ABLIM1: variants seen among roughly 807,000 people sequenced by gnomAD.
ABLIM1 encodes the protein actin binding LIM protein 1.
ABLIM1 carries 40 observed loss-of-function variants against 107.0 expected under a neutral mutation model. That is an observed-to-expected ratio of 0.37 (90% CI 0.29 to 0.49). The LOEUF is 0.49. Ranked by LOEUF, ABLIM1 falls within the 20% of genes least tolerant of loss-of-function variation. The probability of loss-of-function intolerance (pLI) is 0.97; values close to 1 mark genes in which losing one functional copy is unlikely to be tolerated. For synonymous variants in ABLIM1, 357 were observed against 357.3 expected, an observed-to-expected ratio of 1.00 and a Z score of 0.01; for missense variants, 857 against 1,008.5, an observed-to-expected ratio of 0.85 and a Z score of 2.04.
At chr10:114,719,139 A>G (rs1305614252) in intron 1 of ABLIM1, among the ~76,000 whole-genome samples, 1 of 152,238 alleles carries the variant, frequency 6.6e-6, no homozygotes, top group African/African-American at 2.4e-5. Flanking sequence ...AACAAAACCA[A>G]ACAAAAAAAA....
chr10:114,602,812 G>A (rs2076122514), intron 1 of ABLIM1, among the ~76,000 whole-genome samples: 1 of 152,162 alleles, frequency 6.6e-6, no homozygotes. Context: ...CCAGAGTGTG[G>A]CCTTCAGAGA....
At chr10:114,698,823 T>C (rs972080394) in intron 1 of ABLIM1, among the ~76,000 whole-genome samples, 8 of 151,984 alleles carry the variant, frequency 5.3e-5, no homozygotes, top group African/African-American at 1.9e-4. Flanking sequence ...GCACCCTTAC[T>C]GAAAAAAATT....
chr10:114,689,875 A>C (rs2081036608), upstream of ABLIM1, among the ~76,000 whole-genome samples: 1 of 152,100 alleles, frequency 6.6e-6, no homozygotes, highest in Non-Finnish European at 1.5e-5. Context: ...TATCCTAATC[A>C]CTGCTTGATG....
At chr10:114,600,048 A>G (rs2075827971) in intron 2 of ABLIM1, among the ~76,000 whole-genome samples, 1 of 152,204 alleles carries the variant, frequency 6.6e-6, no homozygotes, top group Admixed American at 6.5e-5. Flanking sequence ...TATCTGGTAT[A>G]TGGAACCTGC....
At chr10:114,705,244 C>G (rs1046723850) in intron 1 of ABLIM1, among the ~76,000 whole-genome samples, 1 of 152,154 alleles carries the variant, frequency 6.6e-6, no homozygotes, top group Non-Finnish European at 1.5e-5. Flanking sequence ...AGAATTCTGA[C>G]TTGACTAGAA....
At chr10:114,734,584 A>AAATCCTTTCCAAATCC (rs2082142413) in intron 1 of ABLIM1, among the ~76,000 whole-genome samples, 1 of 152,088 alleles carries the variant, frequency 6.6e-6, no homozygotes, top group African/African-American at 2.4e-5. Context: ...CTTTGCAATG[A>AAATCCTTTCCAAATCC]TCTGCAAATA....
At chr10:114,790,674 A>C in the ABLIM1 span, among the ~76,000 whole-genome samples, 1 of 152,176 alleles carries the variant, frequency 6.6e-6, no homozygotes, top group Non-Finnish European at 1.5e-5. Context: ...CTCCAACTTA[A>C]TTGGTTCAGA....
At chr10:114,571,200 T>C in intron 4 of ABLIM1, 97 bp downstream of exon 4, 1 of 1,024,388 alleles carries the variant, frequency 9.8e-7, no homozygotes, top group Non-Finnish European at 1.5e-6. Flanking sequence ...ATGACTCTCA[T>C]TTCCAGCTAA....
At chr10:114,778,744 A>G in the ABLIM1 span, 11 of 152,240 alleles carry the variant, frequency 7.2e-5, no homozygotes, top group Admixed American at 7.2e-4. Flanking sequence ...GTTCACGTCT[A>G]CCAGGAGTGT....
chr10:114,511,817 T>C (rs1272919784), intron 6 of ABLIM1, among the ~76,000 whole-genome samples: 1 of 152,244 alleles, frequency 6.6e-6, no homozygotes, highest in African/African-American at 2.4e-5. Flanking sequence ...CAACTGTCCA[T>C]ATTCTCCAGT....
upstream of ABLIM1, among the ~76,000 whole-genome samples, chr10:114,686,605 C>G (rs1403191582): frequency 6.6e-6 from 1 of 151,524 alleles, no homozygotes; most frequent in African/African-American, 2.4e-5. Context: ...TCCTCTTTTC[C>G]TTTCTCCCTT....
At chr10:114,591,544 T>C (rs2074869954) in intron 2 of ABLIM1, among the ~76,000 whole-genome samples, 1 of 152,142 alleles carries the variant, frequency 6.6e-6, no homozygotes, top group South Asian at 2.1e-4. Flanking sequence ...TTCTGCTTCA[T>C]GAAATTAGAA....
chr10:114,727,181 G>A (rs978096102), intron 1 of ABLIM1, among the ~76,000 whole-genome samples: 1 of 152,144 alleles, frequency 6.6e-6, no homozygotes, highest in African/African-American at 2.4e-5. Context: ...CAAGATAAAT[G>A]TATGGTGTCA....
chr10:114,766,190 G>A (rs1164236948), intron 1 of ABLIM1, among the ~76,000 whole-genome samples: 1 of 152,176 alleles, frequency 6.6e-6, no homozygotes, highest in Non-Finnish European at 1.5e-5. Context: ...ACTTGATTGA[G>A]TCATTGTGAG....
intron 4 of ABLIM1, among the ~76,000 whole-genome samples, chr10:114,566,770 C>T (rs1591268764): frequency 1.3e-5 from 2 of 152,132 alleles, no homozygotes; most frequent in South Asian, 2.1e-4. Flanking sequence ...TGATTTTGGC[C>T]GGGCATGGTG....
intron 6 of ABLIM1, among the ~76,000 whole-genome samples, chr10:114,510,166 C>G (rs1434988985): frequency 6.6e-6 from 1 of 152,178 alleles, no homozygotes; most frequent in Non-Finnish European, 1.5e-5. Flanking sequence ...TACCTTCCCA[C>G]ATCTTAAATT....
At chr10:114,679,355 C>A (rs2080635354) in intron 1 of ABLIM1, among the ~76,000 whole-genome samples, 1 of 152,016 alleles carries the variant, frequency 6.6e-6, no homozygotes, top group South Asian at 2.1e-4. Context: ...TTAAACCTTG[C>A]CGGGAGTGGT....
At chr10:114,527,149 T>C (rs2064899864) in intron 6 of ABLIM1, among the ~76,000 whole-genome samples, 1 of 152,218 alleles carries the variant, frequency 6.6e-6, no homozygotes, top group African/African-American at 2.4e-5. Flanking sequence ...TGAGTTTCTT[T>C]CTCGGATTTG....
intron 4 of ABLIM1, 64 bp downstream of exon 4, chr10:114,571,233 C>A (rs2071634545): frequency 2.1e-6 from 3 of 1,409,436 alleles, no homozygotes; most frequent in Admixed American, 3.4e-5. Flanking sequence ...AAAAGGAAGG[C>A]ACCTGCCTGA....
Sources: gnomAD v4.1 joint callset for allele counts (sites outside exome capture counted in the v4.1 genomes callset) on GRCh38, gnomAD v4.1.1 for gene constraint, MANE v1.5 for transcripts, NCBI Gene and HGNC (gene_info 2026-07-23, HGNC 2026-07-21) for gene names.